Variants in VPS13B observed in about 807,000 individuals in gnomAD.
The protein encoded by VPS13B is intermembrane lipid transfer protein VPS13B.
In VPS13B, 285 loss-of-function variants were observed where a neutral mutation model predicts 426.4. That is an observed-to-expected ratio of 0.67 (90% CI 0.61 to 0.74). The LOEUF is 0.74. VPS13B is among the 30% of genes least tolerant of loss of function. The pLI is 0.00. For missense variants in VPS13B, 4,537 were observed against 4,782.6 expected (o/e 0.95, Z 1.51); for synonymous variants, 1,676 against 1,676.4 (o/e 1.00, Z 0.01).
intron 21 of VPS13B, among the ~76,000 whole-genome samples, chr8:99,414,681 T>C (rs1815891911): frequency 6.6e-6 from 1 of 152,210 alleles, no homozygotes; most frequent in South Asian, 2.1e-4. Context: ...TTATGAAGTT[T>C]ACTTTGGCTG....
intron 31 of VPS13B, among the ~76,000 whole-genome samples, chr8:99,561,773 C>T (rs62534595): frequency 3.0e-4 from 46 of 152,302 alleles, no homozygotes; most frequent in Middle Eastern, 3.4e-3. Context: ...GATGGAACCC[C>T]ATTATGAGTT....
Position 99,121,398 on chromosome 8 carries a change from A to G in VPS13B, c.1159A>G (p.Ile387Val), listed in dbSNP as rs1170794758. Residue 387 changes from isoleucine to valine, a missense_variant, in exon 8 of 62, where the codon ATT becomes GTT. Physicochemically the swap from Ile to Val is conservative, Grantham distance 29. Coordinates refer to ENST00000357162, the MANE Select transcript of VPS13B (RefSeq NM_152564.5). The stretch of plus-strand genomic sequence containing the variant: ...AAAAGCACAGACTTTGAAGGATCCT[A>G]TTGTTTCTATAGGATTTTATTGCAC... ...QQKAQTLKDP[I>V]VSIGFYCTKA... The G allele has an allele frequency of 1.9e-6, 3 of 1,614,154 alleles. No individual in the cohort carries two copies. Among genetic ancestry groups the G allele is most frequent in the Admixed American group, 1.7e-5 (1 of 60,026 alleles).
At chr8:99,618,282 C>CAAAAAAAAAAAAAAA in intron 33 of VPS13B, among the ~76,000 whole-genome samples, 1 of 117,192 alleles carries the variant, frequency 8.5e-6, no homozygotes, top group Non-Finnish European at 1.9e-5. Context: ...GTGTATATTT[C>CAAAAAAAAAAAAAAA]AAAAAAAAAA....
At chr8:99,705,139 G>A (rs1344536826) in intron 36 of VPS13B, among the ~76,000 whole-genome samples, 1 of 152,020 alleles carries the variant, frequency 6.6e-6, no homozygotes, top group East Asian at 1.9e-4. Context: ...AAACTGGCAT[G>A]TACTTCTTTT....
intron 33 of VPS13B, among the ~76,000 whole-genome samples, chr8:99,638,853 T>A (rs968882153): frequency 3.3e-5 from 5 of 152,172 alleles, no homozygotes; most frequent in Non-Finnish European, 7.4e-5. Context: ...GCTGGGCAAT[T>A]TTTTCATTTA....
chr8:99,649,449 T>A (rs1829718045), intron 34 of VPS13B, among the ~76,000 whole-genome samples: 1 of 152,160 alleles, frequency 6.6e-6, no homozygotes, highest in Non-Finnish European at 1.5e-5. Context: ...TATTAAATTT[T>A]TCACTTCTAA....
chr8:99,541,685 G>A (rs908176192), intron 30 of VPS13B, among the ~76,000 whole-genome samples: 6 of 152,118 alleles, frequency 3.9e-5, no homozygotes, highest in African/African-American at 1.2e-4. Flanking sequence ...TACTTTGGTG[G>A]ATAAGATGGG....
intron 3 of VPS13B, among the ~76,000 whole-genome samples, chr8:99,042,754 T>C (rs1843028130): frequency 6.6e-6 from 1 of 152,100 alleles, no homozygotes; most frequent in South Asian, 2.1e-4. Context: ...CCCAAATTGC[T>C]GGAATTACAA....
At chr8:99,855,643 A>G (rs1474520946) in intron 56 of VPS13B, among the ~76,000 whole-genome samples, 2 of 152,204 alleles carry the variant, frequency 1.3e-5, no homozygotes, top group Admixed American at 6.5e-5. Context: ...TACTTTGTGA[A>G]TGCGTTCCCA....
intron 33 of VPS13B, among the ~76,000 whole-genome samples, chr8:99,632,939 T>G (rs987356204): frequency 6.6e-6 from 1 of 151,988 alleles, no homozygotes; most frequent in Admixed American, 6.6e-5. Flanking sequence ...GAAGAGAATC[T>G]AGCATTAATT....
In VPS13B at chr8:99,143,209, A is replaced by G. The variant is rs1455429273; in HGVS notation, c.1843+44A>G. ...TTTGAATCTTTTGCCATTTGTTTTG[A>G]GAATAATTATATAATCCAATTTGTG... On this transcript the variant is annotated intron_variant, in intron 13 of 61. Transcript: ENST00000357162. The G allele has an allele frequency of 5.6e-6, 9 of 1,611,066 alleles. No individual in the cohort carries two copies. The African/African-American group carries it at 1.1e-4, about 19-fold the overall frequency.
At chr8:99,358,211 T>C (rs371591730) in intron 19 of VPS13B, among the ~76,000 whole-genome samples, 1 of 152,312 alleles carries the variant, frequency 6.6e-6, no homozygotes, top group African/African-American at 2.4e-5. Flanking sequence ...CTTCAGAAGA[T>C]GAATTGTGAG....
intron 43 of VPS13B, among the ~76,000 whole-genome samples, chr8:99,790,803 G>A (rs1278149937): frequency 6.6e-6 from 1 of 152,184 alleles, no homozygotes; most frequent in African/African-American, 2.4e-5. Flanking sequence ...CCAGCTAAGA[G>A]GACCAACATG....
chr8:99,820,853 C>T (rs1392871757), intron 49 of VPS13B, among the ~76,000 whole-genome samples: 19 of 151,634 alleles, frequency 1.3e-4, no homozygotes, highest in Non-Finnish European at 1.3e-4. Context: ...TGCATTTTTT[C>T]TTTTTTCTGT....
At chr8:99,720,655 C>A in intron 38 of VPS13B, 103 bp downstream of exon 38, 2 of 1,336,458 alleles carry the variant, frequency 1.5e-6, no homozygotes, top group Non-Finnish European at 2.1e-6. Flanking sequence ...TTTTAAAGTG[C>A]GTTAAAATTT....
At chr8:99,382,770 G>A (rs773314068) in intron 19 of VPS13B, among the ~76,000 whole-genome samples, 8 of 152,152 alleles carry the variant, frequency 5.3e-5, no homozygotes, top group Admixed American at 1.3e-4. Flanking sequence ...TGCAAAGATA[G>A]TTTGGCTTTC....
At chr8:99,629,763 G>A (rs1449599478) in intron 33 of VPS13B, among the ~76,000 whole-genome samples, 1 of 152,120 alleles carries the variant, frequency 6.6e-6, no homozygotes, top group Non-Finnish European at 1.5e-5. Flanking sequence ...TTCTGAGGTG[G>A]AGTAATCAAA....
intron 24 of VPS13B, among the ~76,000 whole-genome samples, chr8:99,479,788 G>T (rs1044151529): frequency 1.3e-5 from 2 of 152,004 alleles, no homozygotes; most frequent in African/African-American, 2.4e-5. Flanking sequence ...ACTTCAATTT[G>T]TTAACTACCT....
Position 99,523,533 on chromosome 8 carries a change from CTG to C in VPS13B, c.4745+2527_4745+2528del, listed in dbSNP as rs911276324. On this transcript the variant is annotated intron_variant, in intron 30 of 61. Coordinates refer to ENST00000357162, the MANE Select transcript of VPS13B (RefSeq NM_152564.5). ...ACAGCTCCAGACAGCTCAGCACAGG[CTG>C]TGTTTGTTTGGGAGAAAGTAAGGGA... Among the ~76,000 whole-genome samples the C allele has an allele frequency of 7.6e-4, 115 of 152,312 alleles. 1 individual carries two copies. The highest frequency in any genetic ancestry group is 7.4e-3 in the Admixed American group (113 of 15,304).
Sources: gnomAD v4.1 joint callset for allele counts (sites outside exome capture counted in the v4.1 genomes callset) on GRCh38, gnomAD v4.1.1 for gene constraint, MANE v1.5 for transcripts, NCBI Gene and HGNC (gene_info 2026-07-23, HGNC 2026-07-21) for gene names.